KCNH1: variants seen among roughly 807,000 people sequenced by gnomAD.
The protein encoded by KCNH1 is voltage-gated delayed rectifier potassium channel KCNH1.
Under a neutral mutation model 69.2 loss-of-function variants are expected in KCNH1, and 27 were observed. The observed-to-expected ratio is 0.39, with a 90% confidence interval of 0.29 to 0.54. The LOEUF (loss-of-function observed/expected upper bound fraction) is 0.54, where lower values mean the gene tolerates loss of function less well. Ranked by LOEUF, KCNH1 falls within the 20% of genes least tolerant of loss-of-function variation. The probability of loss-of-function intolerance (pLI) is 0.68; values close to 1 mark genes in which losing one functional copy is unlikely to be tolerated. For missense variants in KCNH1, 798 were observed against 1,261.6 expected (o/e 0.63, Z 5.57); for synonymous variants, 456 against 487.7 (o/e 0.93, Z 0.86).
rs74923169 is a variant in KCNH1, at chr1:210,877,661, T to C, written c.1462+41979A>G. ...AATAACTGAACATGTCCTATATACA[T>C]ATCATGGTACAACCTTCTGAAGAAA... is the stretch of plus-strand genomic sequence containing the variant. On this transcript the variant is annotated intron_variant, in intron 7 of 10. Coordinates refer to ENST00000271751, the MANE Select transcript of KCNH1 (RefSeq NM_172362.3). 4.3e-3 allele frequency among the ~76,000 whole-genome samples: 649 copies of C among 152,318 alleles called. 7 individuals are homozygous for C. Among genetic ancestry groups the C allele is most frequent in the South Asian group, 0.021 (102 of 4,834 alleles).
At chr1:210,802,488 G>A (rs1419379544) in intron 8 of KCNH1, among the ~76,000 whole-genome samples, 1 of 152,156 alleles carries the variant, frequency 6.6e-6, no homozygotes, top group Non-Finnish European at 1.5e-5. Context: ...AGACTGAGAA[G>A]CAGAGAATGA....
chr1:211,051,484 T>A (rs1690204278), intron 5 of KCNH1, among the ~76,000 whole-genome samples: 1 of 152,082 alleles, frequency 6.6e-6, no homozygotes, highest in African/African-American at 2.4e-5. Flanking sequence ...ACATGTGAGA[T>A]CTACACTGAG....
intron 5 of KCNH1, among the ~76,000 whole-genome samples, chr1:211,029,441 G>GA (rs1279047745): frequency 7.4e-6 from 1 of 135,524 alleles, no homozygotes; most frequent in African/African-American, 2.8e-5. Flanking sequence ...ACAGGCTAAT[G>GA]AAAAAAACAC....
chr1:210,839,547 A>G (rs1292501643), intron 7 of KCNH1, among the ~76,000 whole-genome samples: 1 of 152,206 alleles, frequency 6.6e-6, no homozygotes, highest in African/African-American at 2.4e-5. Context: ...TGCCTGTGTA[A>G]CAAACCCACA....
chr1:210,777,378 T>C (rs1770213), intron 9 of KCNH1, among the ~76,000 whole-genome samples: 30,840 of 152,234 alleles, frequency 0.2, 3,185 homozygotes, highest in African/African-American at 0.22. Context: ...ACTGAGTCAA[T>C]GTGAATAGGA....
At chr1:210,789,959 T>C (rs1210321154) in intron 9 of KCNH1, among the ~76,000 whole-genome samples, 1 of 152,214 alleles carries the variant, frequency 6.6e-6, no homozygotes, top group Non-Finnish European at 1.5e-5. Flanking sequence ...TGGAGTGCAG[T>C]AGCTATTCAC....
intron 6 of KCNH1, among the ~76,000 whole-genome samples, chr1:210,973,283 C>T (rs1055447659): frequency 5.3e-5 from 8 of 152,090 alleles, no homozygotes; most frequent in African/African-American, 1.9e-4. Context: ...TGAGATCGAT[C>T]ACCTTCTAAG....
intron 5 of KCNH1, among the ~76,000 whole-genome samples, chr1:211,046,342 T>G (rs1486248434): frequency 6.6e-6 from 1 of 152,196 alleles, no homozygotes; most frequent in Admixed American, 6.5e-5. Context: ...TATGTGTACC[T>G]TCCTTGAAGA....
At chr1:210,836,111 CAAAAAAA>C (rs776429016) in intron 7 of KCNH1, among the ~76,000 whole-genome samples, 1 of 93,376 alleles carries the variant, frequency 1.1e-5, no homozygotes. Context: ...GTCTCCGTCT[CAAAAAAA>C]AAAAAAAAAA....
At chr1:210,916,430 A>C (rs1266618413) in intron 7 of KCNH1, among the ~76,000 whole-genome samples, 1 of 152,196 alleles carries the variant, frequency 6.6e-6, no homozygotes, top group East Asian at 1.9e-4. Flanking sequence ...TCTTGTTCTT[A>C]AAATGACTAC....
chr1:211,071,621 C>T (rs1690644581), intron 5 of KCNH1, among the ~76,000 whole-genome samples: 1 of 152,036 alleles, frequency 6.6e-6, no homozygotes, highest in African/African-American at 2.4e-5. Flanking sequence ...TAAATTTTAA[C>T]TTTTTATAAT....
intron 8 of KCNH1, among the ~76,000 whole-genome samples, chr1:210,798,286 G>A (rs890699194): frequency 7.2e-4 from 110 of 152,226 alleles, no homozygotes; most frequent in Admixed American, 2.0e-3. Flanking sequence ...TGATCCGCCC[G>A]CCTCGGCCTC....
At chr1:210,687,836 G>T (rs887670508) in intron 10 of KCNH1, among the ~76,000 whole-genome samples, 2 of 152,304 alleles carry the variant, frequency 1.3e-5, no homozygotes, top group East Asian at 3.9e-4. Context: ...ACCAGCCACA[G>T]CAGCTCTCCG....
chr1:210,734,111 C>G (rs1474008204), intron 10 of KCNH1, among the ~76,000 whole-genome samples: 2 of 152,190 alleles, frequency 1.3e-5, no homozygotes, highest in African/African-American at 4.8e-5. Context: ...GAATCATAGA[C>G]TTCAAAACTT....
intron 10 of KCNH1, among the ~76,000 whole-genome samples, chr1:210,767,185 T>C (rs187185271): frequency 4.3e-4 from 65 of 152,338 alleles, no homozygotes; most frequent in African/African-American, 1.5e-3. Context: ...AGGAGGGACT[T>C]TGAAGCTAGT....
chr1:210,821,518 A>C (rs1245179720), intron 7 of KCNH1, among the ~76,000 whole-genome samples: 2 of 151,510 alleles, frequency 1.3e-5, no homozygotes, highest in African/African-American at 4.8e-5. Context: ...TATAAACTGC[A>C]GTTTGGCCAC....
intron 6 of KCNH1, among the ~76,000 whole-genome samples, chr1:210,968,908 A>G (rs1485224000): frequency 2.6e-5 from 4 of 152,112 alleles, no homozygotes; most frequent in African/African-American, 9.7e-5. Context: ...TGATGTTTTC[A>G]GAAGATTTTT....
In KCNH1 at chr1:210,841,052, C is replaced by T. The variant is rs1488551572; in HGVS notation, c.1463-36886G>A. On this transcript the variant is annotated intron_variant, in intron 7 of 10. Transcript: ENST00000271751. ...AACAGAGCGGTAGCCTCTGCAAAAA[C>T]CTGTTCCTCATACTTAAAAAAACAA... Among the ~76,000 whole-genome samples, 4 of 152,084 alleles carry T rather than the reference C, an allele frequency of 2.6e-5. No individual in the cohort carries two copies. In the East Asian group the frequency reaches 5.8e-4, roughly 22 times the overall value.
At chr1:211,109,678 T>C (rs1047390582) in intron 1 of KCNH1, among the ~76,000 whole-genome samples, 1 of 152,000 alleles carries the variant, frequency 6.6e-6, no homozygotes, top group African/African-American at 2.4e-5. Context: ...TATTTTCTCT[T>C]GTATACCAGA....
Sources: gnomAD v4.1 joint callset for allele counts (sites outside exome capture counted in the v4.1 genomes callset) on GRCh38, gnomAD v4.1.1 for gene constraint, MANE v1.5 for transcripts, NCBI Gene and HGNC (gene_info 2026-07-23, HGNC 2026-07-21) for gene names.